Variants in SPAG16 observed in about 807,000 individuals in gnomAD.
The protein encoded by SPAG16 is sperm-associated antigen 16 protein.
SPAG16 carries 86 observed loss-of-function variants against 80.4 expected under a neutral mutation model. The observed-to-expected ratio is 1.07, with a 90% CI of 0.90 to 1.28. SPAG16 has a LOEUF of 1.28. Ranked by LOEUF, SPAG16 falls within the 50% of genes most tolerant of loss-of-function variation. The pLI is 0.00. For synonymous variants in SPAG16, 294 were observed against 265.9 expected (o/e 1.11, Z -1.03); for missense variants, 870 against 765.3 (o/e 1.14, Z -1.61).
chr2:213,756,531 C>T (rs1031778814), intron 10 of SPAG16, among the ~76,000 whole-genome samples: 3 of 152,166 alleles, frequency 2.0e-5, no homozygotes, highest in Non-Finnish European at 4.4e-5. Context: ...AAGGCCTTTG[C>T]TTATACATCT....
At chr2:213,903,385 T>A (rs10932513) in intron 11 of SPAG16, among the ~76,000 whole-genome samples, 88,879 of 152,046 alleles carry the variant, frequency 0.58, 27,813 homozygotes, top group South Asian at 0.84. Flanking sequence ...ATTCTTGATT[T>A]CCCTTCACTC....
At chr2:213,717,651 A>C (rs1029364694) in intron 10 of SPAG16, among the ~76,000 whole-genome samples, 18 of 152,120 alleles carry the variant, frequency 1.2e-4, no homozygotes, top group African/African-American at 4.3e-4. Context: ...AGTATTCTAA[A>C]TACATTACTT....
chr2:213,945,265 G>GTA (rs955244438), intron 12 of SPAG16, among the ~76,000 whole-genome samples: 25 of 143,396 alleles, frequency 1.7e-4, no homozygotes, highest in African/African-American at 4.1e-4. Context: ...GTTTATACAA[G>GTA]TATATATATA....
intron 15 of SPAG16, among the ~76,000 whole-genome samples, chr2:214,294,413 G>A (rs991590702): frequency 2.6e-5 from 4 of 152,126 alleles, no homozygotes. Context: ...GAATATTGGT[G>A]TTCTCTTATA....
At chr2:213,985,081 GGA>G (rs2045938828) in intron 12 of SPAG16, among the ~76,000 whole-genome samples, 1 of 152,062 alleles carries the variant, frequency 6.6e-6, no homozygotes, top group Non-Finnish European at 1.5e-5. Flanking sequence ...GTAAGCTCTA[GGA>G]GAGGAGTAGT....
intron 10 of SPAG16, among the ~76,000 whole-genome samples, chr2:213,494,657 T>C (rs918340384): frequency 6.6e-6 from 1 of 152,210 alleles, no homozygotes. Flanking sequence ...CCAAACATAT[T>C]TTGAAAATGT....
chr2:214,065,920 G>A (rs57030129), intron 13 of SPAG16, among the ~76,000 whole-genome samples: 4 of 151,916 alleles, frequency 2.6e-5, no homozygotes, highest in Non-Finnish European at 4.4e-5. Flanking sequence ...ACAAAATATC[G>A]TATGACACAT....
chr2:213,373,287 A>G (rs2066732180), intron 8 of SPAG16, among the ~76,000 whole-genome samples: 1 of 152,252 alleles, frequency 6.6e-6, no homozygotes, highest in Middle Eastern at 3.4e-3. Context: ...TGTTCTGTAA[A>G]TTTTTGTGTA....
chr2:214,193,429 G>GTGTGTGT (rs1559119411), intron 15 of SPAG16, among the ~76,000 whole-genome samples: 16 of 67,944 alleles, frequency 2.4e-4, no homozygotes, highest in South Asian at 1.8e-3. Flanking sequence ...GTGTGTATGA[G>GTGTGTGT]AGAGAGAGAG....
intron 15 of SPAG16, among the ~76,000 whole-genome samples, chr2:214,289,309 G>A (rs1003116562): frequency 6.6e-6 from 1 of 152,122 alleles, no homozygotes; most frequent in Non-Finnish European, 1.5e-5. Flanking sequence ...TGAAATGTTT[G>A]TAAGATTGAT....
chr2:213,661,291 GTTC>G (rs1222017341), intron 10 of SPAG16, among the ~76,000 whole-genome samples: 1 of 152,064 alleles, frequency 6.6e-6, no homozygotes, highest in East Asian at 1.9e-4. Flanking sequence ...ATATCCTTTG[GTTC>G]TTAATGATAT....
At chr2:213,701,714 C>T (rs934553008) in intron 10 of SPAG16, among the ~76,000 whole-genome samples, 2 of 152,230 alleles carry the variant, frequency 1.3e-5, no homozygotes, top group African/African-American at 4.8e-5. Context: ...ACTTGGAGAA[C>T]TTTTATGTCT....
chr2:214,304,560 A>G (rs939136777), intron 15 of SPAG16, among the ~76,000 whole-genome samples: 1 of 152,206 alleles, frequency 6.6e-6, no homozygotes, highest in Non-Finnish European at 1.5e-5. Flanking sequence ...CTTGCTGTTA[A>G]TAAATATGTG....
At chr2:214,192,565 T>G (rs1303105886) in intron 15 of SPAG16, among the ~76,000 whole-genome samples, 1 of 152,140 alleles carries the variant, frequency 6.6e-6, no homozygotes, top group Non-Finnish European at 1.5e-5. Flanking sequence ...CAAAAGCTGT[T>G]TTCTTTTCTC....
At chr2:214,014,840 C>A (rs2047503762) in intron 13 of SPAG16, among the ~76,000 whole-genome samples, 1 of 152,076 alleles carries the variant, frequency 6.6e-6, no homozygotes, top group Non-Finnish European at 1.5e-5. Context: ...TGAAGAGTGA[C>A]AAGGTTCATA....
At chr2:214,271,255 T>TA (rs1371536633) in intron 15 of SPAG16, among the ~76,000 whole-genome samples, 2 of 152,136 alleles carry the variant, frequency 1.3e-5, no homozygotes, top group Non-Finnish European at 2.9e-5. Context: ...GTAATGGGGA[T>TA]AAAAAAAGAA....
chr2:214,002,773 T>C (rs1302771721), intron 12 of SPAG16, among the ~76,000 whole-genome samples: 1 of 152,208 alleles, frequency 6.6e-6, no homozygotes, highest in Non-Finnish European at 1.5e-5. Context: ...CCATTTTAGT[T>C]ATATTTATGC....
intron 10 of SPAG16, among the ~76,000 whole-genome samples, chr2:213,522,803 ATATATATATATAACAAACT>A (rs2075729112): frequency 6.7e-6 from 1 of 148,794 alleles, no homozygotes; most frequent in African/African-American, 2.5e-5. Context: ...TGCCAAATAT[ATATATATATATAACAAACT>A]TATATATATA....
chr2:213,982,986 T>G (rs2045835991), intron 12 of SPAG16, among the ~76,000 whole-genome samples: 2 of 151,978 alleles, frequency 1.3e-5, no homozygotes, highest in South Asian at 4.1e-4. Flanking sequence ...AAATACAACT[T>G]CTAATGAAAT....
Sources: gnomAD v4.1 joint callset for allele counts (sites outside exome capture counted in the v4.1 genomes callset) on GRCh38, gnomAD v4.1.1 for gene constraint, MANE v1.5 for transcripts, NCBI Gene and HGNC (gene_info 2026-07-23, HGNC 2026-07-21) for gene names.